Variants in GPC5 observed in about 807,000 individuals in gnomAD.
The protein encoded by GPC5 is glypican 5, also known as glypican-5.
Under a neutral mutation model 53.9 loss-of-function variants are expected in GPC5, and 47 were observed. That is an observed-to-expected ratio of 0.87 (90% confidence interval 0.69 to 1.11). The LOEUF (loss-of-function observed/expected upper bound fraction) is 1.11. GPC5 is among the 50% of genes most tolerant of loss of function. The pLI is 0.00. For synonymous variants in GPC5, 286 were observed against 263.3 expected, an observed-to-expected ratio of 1.09 and a Z score of -0.84; for missense variants, 748 against 713.1, an observed-to-expected ratio of 1.05 and a Z score of -0.56.
intron 7 of GPC5, among the ~76,000 whole-genome samples, chr13:92,146,719 T>C (rs2041869926): frequency 6.6e-6 from 1 of 152,136 alleles, no homozygotes; most frequent in Non-Finnish European, 1.5e-5. Context: ...TGCCTTTGCA[T>C]CCTCATAGCT....
At chr13:92,183,026 T>A (rs963720336) in intron 7 of GPC5, among the ~76,000 whole-genome samples, 3 of 152,230 alleles carry the variant, frequency 2.0e-5, no homozygotes, top group African/African-American at 7.2e-5. Flanking sequence ...GTTTGTTTTA[T>A]GATATATACT....
intron 7 of GPC5, among the ~76,000 whole-genome samples, chr13:92,501,272 G>A (rs9561077): frequency 0.57 from 86,861 of 151,918 alleles, 25,507 homozygotes; most frequent in East Asian, 0.75. Context: ...GCAAATAGGT[G>A]TAATAGAAGA....
intron 2 of GPC5, among the ~76,000 whole-genome samples, chr13:91,539,375 T>C (rs181072844): frequency 1.9e-3 from 292 of 152,290 alleles, no homozygotes; most frequent in Middle Eastern, 3.4e-3. Context: ...GTTCGTCATA[T>C]GTTATCAGGA....
At chr13:92,838,692 T>A (rs914243982) in intron 7 of GPC5, among the ~76,000 whole-genome samples, 9 of 152,034 alleles carry the variant, frequency 5.9e-5, no homozygotes, top group African/African-American at 2.2e-4. Flanking sequence ...AAAATAACTA[T>A]GATTAATATG....
At chr13:92,102,115 G>A (rs1395257158) in intron 6 of GPC5, among the ~76,000 whole-genome samples, 1 of 151,612 alleles carries the variant, frequency 6.6e-6, no homozygotes, top group African/African-American at 2.4e-5. Flanking sequence ...TTTTCCTTAA[G>A]AAAACAAACA....
chr13:92,185,464 A>G (rs533116473), intron 7 of GPC5, among the ~76,000 whole-genome samples: 1 of 152,270 alleles, frequency 6.6e-6, no homozygotes, highest in Non-Finnish European at 1.5e-5. Flanking sequence ...GAAGTAAACT[A>G]ACTGATTATT....
At chr13:91,572,136 CAT>C (rs769767830) in intron 2 of GPC5, among the ~76,000 whole-genome samples, 6 of 141,968 alleles carry the variant, frequency 4.2e-5, no homozygotes, top group African/African-American at 1.3e-4. Flanking sequence ...TGTATATACA[CAT>C]ATGTATATAT....
At chr13:92,431,391 T>TTTTTTTTTTTC (rs33943869) in intron 7 of GPC5, among the ~76,000 whole-genome samples, 1 of 17,878 alleles carries the variant, frequency 5.6e-5, no homozygotes, top group African/African-American at 5.8e-4. Flanking sequence ...AAGACACAGC[T>TTTTTTTTTTTC]TTTTTTTTTT....
At chr13:91,428,701 T>C (rs1178121068) in intron 1 of GPC5, among the ~76,000 whole-genome samples, 2 of 152,158 alleles carry the variant, frequency 1.3e-5, no homozygotes, top group Non-Finnish European at 2.9e-5. Context: ...TATTCTTTTT[T>C]TAAATCTCGA....
At chr13:91,483,694 G>A (rs1883429229) in intron 2 of GPC5, among the ~76,000 whole-genome samples, 1 of 152,222 alleles carries the variant, frequency 6.6e-6, no homozygotes, top group African/African-American at 2.4e-5. Context: ...TCAAGAGGCA[G>A]TGGCAAACAA....
intron 7 of GPC5, among the ~76,000 whole-genome samples, chr13:92,663,848 CACACACACTA>C (rs1886458846): frequency 8.5e-6 from 1 of 118,058 alleles, no homozygotes; most frequent in Non-Finnish European, 1.7e-5. Flanking sequence ...TATATATACA[CACACACACTA>C]TATATATATA....
At position 92,223,400 on chromosome 13, in the gene GPC5, A is replaced by G. The variant is rs1247272055; in HGVS notation, c.1561+78411A>G. Among the ~76,000 whole-genome samples, 4 of 152,166 alleles carry G rather than the reference A, an allele frequency of 2.6e-5. No individual in the cohort carries two copies. In the East Asian group the frequency reaches 5.8e-4, roughly 22 times the overall value. ...GTTGTGCTTTATTATTAGTGACAGAACTTTATCCTTAAAAAGCTTCAGGGG... is the reference window on the plus strand; with the variant it reads ...GTTGTGCTTTATTATTAGTGACAGAGCTTTATCCTTAAAAAGCTTCAGGGG... On this transcript the variant is annotated intron_variant, in intron 7 of 7. Transcript: ENST00000377067.
intron 5 of GPC5, among the ~76,000 whole-genome samples, chr13:91,808,644 G>A (rs1424160405): frequency 6.6e-6 from 1 of 152,100 alleles, no homozygotes; most frequent in East Asian, 1.9e-4. Context: ...TCCTGCCCAT[G>A]AGACTTTGCA....
At chr13:91,682,730 C>A (rs891723924) in intron 2 of GPC5, among the ~76,000 whole-genome samples, 22 of 152,152 alleles carry the variant, frequency 1.4e-4, no homozygotes, top group Non-Finnish European at 4.4e-5. Context: ...GTGAAAGAAT[C>A]ACTAGTCACC....
intron 2 of GPC5, among the ~76,000 whole-genome samples, chr13:91,650,750 G>GTTTTTGTTTTTTTTTTTTTTTGT (rs1491353283): frequency 2.0e-5 from 2 of 99,642 alleles, no homozygotes; most frequent in South Asian, 7.7e-4. Flanking sequence ...ATTCCCATAA[G>GTTTTTGTTTTTTTTTTTTTTTGT]TTTTTTTTTT....
intron 3 of GPC5, among the ~76,000 whole-genome samples, chr13:91,716,696 A>G (rs1335136955): frequency 2.0e-5 from 3 of 152,186 alleles, no homozygotes; most frequent in Non-Finnish European, 4.4e-5. Context: ...GCAATATATG[A>G]CACATGAATG....
intron 6 of GPC5, among the ~76,000 whole-genome samples, chr13:92,047,265 C>T (rs1347083173): frequency 6.6e-6 from 1 of 151,944 alleles, no homozygotes; most frequent in Non-Finnish European, 1.5e-5. Flanking sequence ...GCAAAAACAA[C>T]ATTAATTAAA....
Position 92,060,965 on chromosome 13 carries a change from A to G in GPC5, c.1402-83865A>G, listed in dbSNP as rs1169889746. ...GCAATAGAAGCAAACCACAAACTTG[A>G]GGCTACTTGTGTTTAAATTCTAAGA... On this transcript the variant is annotated intron_variant, in intron 6 of 7. Transcript: ENST00000377067. Among the ~76,000 whole-genome samples the G allele has an allele frequency of 3.3e-5, 5 of 152,080 alleles. No homozygotes were observed. The South Asian group carries it at 8.3e-4, about 25-fold the overall frequency.
At chr13:91,622,057 A>G (rs1345202546) in intron 2 of GPC5, among the ~76,000 whole-genome samples, 1 of 152,024 alleles carries the variant, frequency 6.6e-6, no homozygotes, top group African/African-American at 2.4e-5. Flanking sequence ...TGAAGGCTGG[A>G]AGGCTCAGCA....
Sources: gnomAD v4.1 joint callset for allele counts (sites outside exome capture counted in the v4.1 genomes callset) on GRCh38, gnomAD v4.1.1 for gene constraint, MANE v1.5 for transcripts, NCBI Gene and HGNC (gene_info 2026-07-23, HGNC 2026-07-21) for gene names.